ZFHX3: variants seen among roughly 807,000 people sequenced by gnomAD.
The protein encoded by ZFHX3 is zinc finger homeobox protein 3.
ZFHX3 carries 42 observed loss-of-function variants against 279.1 expected under a neutral mutation model. The ratio of observed to expected loss-of-function variants is 0.15; its 90% CI spans 0.12 to 0.19. The LOEUF is 0.19. ZFHX3 is among the 10% of genes least tolerant of loss of function. The probability of loss-of-function intolerance (pLI) is 1.00; values close to 1 mark genes in which losing one functional copy is unlikely to be tolerated. For missense variants in ZFHX3, 4,981 were observed against 4,754.0 expected (o/e 1.05, Z -1.40); for synonymous variants, 2,293 against 1,957.8 (o/e 1.17, Z -4.52).
chr16:73,217,169 C>T lies in ZFHX3; in HGVS notation c.-1104+39878G>A, dbSNP rs373209066. On this transcript the variant is annotated intron_variant, in intron 5 of 17. Coordinates refer to the ZFHX3 transcript ENST00000641206. ...GAGTCAGAGGGAGCAGGGCTGTAGC[C>T]CTCAGATGGGTCGATGTTATCGATC... is the stretch of plus-strand genomic sequence containing the variant. 3.9e-5 allele frequency among the ~76,000 whole-genome samples: 6 copies of T among 152,288 alleles called. No individual in the cohort carries two copies. In the East Asian group the frequency reaches 1.2e-3, roughly 29 times the overall value.
chr16:73,063,083 C>T (rs1449294131), upstream of ZFHX3, among the ~76,000 whole-genome samples: 1 of 152,230 alleles, frequency 6.6e-6, no homozygotes, highest in African/African-American at 2.4e-5. Flanking sequence ...GCAGCCTCGT[C>T]CTTTTGTGGT....
intron 4 of ZFHX3, among the ~76,000 whole-genome samples, chr16:73,275,500 A>G (rs1356527225): frequency 6.6e-6 from 1 of 152,166 alleles, no homozygotes; most frequent in Admixed American, 6.5e-5. Context: ...AGAAACTCCA[A>G]TATGTTAAAA....
At chr16:73,643,816 C>T (rs1471909898) in intron 2 of ZFHX3, among the ~76,000 whole-genome samples, 3 of 152,174 alleles carry the variant, frequency 2.0e-5, no homozygotes, top group Non-Finnish European at 4.4e-5. Flanking sequence ...TAAATTCTCC[C>T]AAAAACAAAA....
chr16:73,751,605 CA>C (rs1195359885), intron 1 of ZFHX3, among the ~76,000 whole-genome samples: 5 of 152,134 alleles, frequency 3.3e-5, no homozygotes, highest in Admixed American at 6.5e-5. Context: ...TTTTAAGTAA[CA>C]TTTTTTAAAT....
intron 1 of ZFHX3, among the ~76,000 whole-genome samples, chr16:73,849,352 A>G (rs1414933067): frequency 6.6e-6 from 1 of 152,068 alleles, no homozygotes; most frequent in African/African-American, 2.4e-5. Flanking sequence ...CTTCATCTGA[A>G]CTCAGCCTTC....
chr16:73,750,573 G>A (rs896148986), intron 1 of ZFHX3, among the ~76,000 whole-genome samples: 1 of 152,152 alleles, frequency 6.6e-6, no homozygotes, highest in African/African-American at 2.4e-5. Flanking sequence ...AACTTTAAGA[G>A]GGAATTTAAC....
intron 2 of ZFHX3, among the ~76,000 whole-genome samples, chr16:73,475,595 A>G (rs1242051845): frequency 1.3e-5 from 2 of 152,106 alleles, no homozygotes; most frequent in South Asian, 2.1e-4. Context: ...ATTACATATA[A>G]AAAGTACTAA....
intron 4 of ZFHX3, among the ~76,000 whole-genome samples, chr16:72,852,414 A>G (rs1406855574): frequency 6.6e-6 from 1 of 152,254 alleles, no homozygotes; most frequent in African/African-American, 2.4e-5. Flanking sequence ...GCCTCCCTTG[A>G]GAAACAGCAC....
intron 2 of ZFHX3, among the ~76,000 whole-genome samples, chr16:73,585,783 T>A (rs1054176350): frequency 6.6e-6 from 1 of 152,144 alleles, no homozygotes; most frequent in Non-Finnish European, 1.5e-5. Context: ...AGGTAGTAAG[T>A]GCAGTTAAAA....
chr16:73,084,823 C>A (rs1335646033), intron 8 of ZFHX3, among the ~76,000 whole-genome samples: 1 of 152,024 alleles, frequency 6.6e-6, no homozygotes, highest in Non-Finnish European at 1.5e-5. Context: ...TCTGGCCATA[C>A]CTAGAAATAA....
chr16:73,613,880 A>G (rs1224502249), intron 2 of ZFHX3, among the ~76,000 whole-genome samples: 1 of 152,214 alleles, frequency 6.6e-6, no homozygotes, highest in African/African-American at 2.4e-5. Context: ...GCGCGGTCAC[A>G]GCGCTACCAA....
intron 1 of ZFHX3, among the ~76,000 whole-genome samples, chr16:73,715,416 T>C (rs568765824): frequency 1.9e-3 from 295 of 152,208 alleles, no homozygotes; most frequent in African/African-American, 6.7e-3. Context: ...TACATCCTTA[T>C]AACAACTTCA....
chr16:73,426,790 C>T (rs1030317705), intron 3 of ZFHX3, among the ~76,000 whole-genome samples: 7 of 152,240 alleles, frequency 4.6e-5, no homozygotes, highest in Admixed American at 2.6e-4. Flanking sequence ...TCAAAAGATA[C>T]ACCTTGAAGA....
chr16:73,447,783 T>C (rs2018213328), intron 3 of ZFHX3, among the ~76,000 whole-genome samples: 1 of 152,176 alleles, frequency 6.6e-6, no homozygotes. Flanking sequence ...TACACGGAGC[T>C]CTACATATTA....
chr16:73,571,798 G>A (rs980201216), intron 2 of ZFHX3, among the ~76,000 whole-genome samples: 17 of 152,074 alleles, frequency 1.1e-4, no homozygotes, highest in Admixed American at 7.9e-4. Flanking sequence ...ACTTCTTTTT[G>A]GTTGTCGTGA....
intron 3 of ZFHX3, among the ~76,000 whole-genome samples, chr16:73,352,361 A>T (rs2016258352): frequency 6.6e-6 from 1 of 151,558 alleles, no homozygotes; most frequent in Non-Finnish European, 1.5e-5. Flanking sequence ...CTGTGCCTGG[A>T]CTGCATTTCT....
intron 4 of ZFHX3, among the ~76,000 whole-genome samples, chr16:72,831,856 A>C: frequency 6.6e-6 from 1 of 152,194 alleles, no homozygotes; most frequent in East Asian, 1.9e-4. Context: ...ATTTATGCCT[A>C]TTGTTCCATT....
intron 1 of ZFHX3, among the ~76,000 whole-genome samples, chr16:73,818,093 C>A (rs1301553682): frequency 6.6e-6 from 1 of 152,048 alleles, no homozygotes; most frequent in South Asian, 2.1e-4. Flanking sequence ...TTTCTGAGAC[C>A]CAAACGGGTC....
intron 4 of ZFHX3, among the ~76,000 whole-genome samples, chr16:73,284,027 A>G (rs1434754943): frequency 6.6e-6 from 1 of 152,184 alleles, no homozygotes; most frequent in East Asian, 1.9e-4. Flanking sequence ...AAGAAAATAA[A>G]TATGATCCTG....
Sources: gnomAD v4.1 joint callset for allele counts (sites outside exome capture counted in the v4.1 genomes callset) on GRCh38, gnomAD v4.1.1 for gene constraint, MANE v1.5 for transcripts, NCBI Gene and HGNC (gene_info 2026-07-23, HGNC 2026-07-21) for gene names.